The following BCAS3 variants were observed in gnomAD, a reference collection of about 807,000 sequenced individuals.
The protein encoded by BCAS3 is BCAS3 microtubule associated cell migration factor, also known as BCAS4/BCAS3 fusion.
In BCAS3, 53 loss-of-function variants were observed where a neutral mutation model predicts 116.1. That is an observed-to-expected ratio of 0.46 (90% CI 0.37 to 0.57). BCAS3 has a LOEUF of 0.57. Among genes scored for constraint, BCAS3 ranks in the 20% least tolerant of loss-of-function variants. The pLI is 0.00. For synonymous variants in BCAS3, 391 were observed against 408.2 expected (o/e 0.96, Z 0.51); for missense variants, 917 against 1,165.4 (o/e 0.79, Z 3.10).
chr17:61,225,270 T>A (rs967568897), intron 22 of BCAS3, among the ~76,000 whole-genome samples: 2 of 151,464 alleles, frequency 1.3e-5, no homozygotes, highest in African/African-American at 2.4e-5. Context: ...ATGTGGTAAA[T>A]ATAATAATCA....
intron 22 of BCAS3, among the ~76,000 whole-genome samples, chr17:61,110,885 G>A (rs1249808696): frequency 6.6e-6 from 1 of 152,226 alleles, no homozygotes; most frequent in East Asian, 1.9e-4. Flanking sequence ...CCAGCACGCA[G>A]CTGGAGATCT....
chr17:61,268,243 T>A (rs971111933), intron 22 of BCAS3, among the ~76,000 whole-genome samples: 1 of 152,198 alleles, frequency 6.6e-6, no homozygotes, highest in Non-Finnish European at 1.5e-5. Context: ...AGACTCTGTG[T>A]TTAATGTATA....
intron 22 of BCAS3, among the ~76,000 whole-genome samples, chr17:61,172,702 T>C (rs1033120817): frequency 6.7e-6 from 1 of 149,656 alleles, no homozygotes; most frequent in African/African-American, 2.5e-5. Context: ...ATCTAAAGGA[T>C]TGGCTGGGCG....
Position 61,249,890 on chromosome 17 carries a change from C to A in BCAS3, c.2426-118437C>A, listed in dbSNP as rs1451037046. 6.6e-6 allele frequency among the ~76,000 whole-genome samples: 1 copy of A among 152,132 alleles called. No individual in the cohort carries two copies. Among genetic ancestry groups the A allele is most frequent in the East Asian group, 1.9e-4 (1 of 5,192 alleles). ...AATCACATTTAAAGCTTTTAAAGCT[C>A]CCTTTTGAGATGATTTCTTAGGGTA... On this transcript the variant is annotated intron_variant, in intron 22 of 23. Transcript: ENST00000407086. This position sits in a 1 kb window ranked among gnomAD's most constrained non-coding sequence, Gnocchi z 6.2.
At chr17:60,776,416 C>T (rs549201841) in intron 6 of BCAS3, among the ~76,000 whole-genome samples, 1 of 152,226 alleles carries the variant, frequency 6.6e-6, no homozygotes, top group South Asian at 2.1e-4. Context: ...TTTAACCTAT[C>T]TTATAACAAT....
At position 61,004,104 on chromosome 17, in the gene BCAS3, G is replaced by C. The variant is rs1190863526; in HGVS notation, c.1487-11647G>C. 6.6e-6 allele frequency among the ~76,000 whole-genome samples: 1 copy of C among 152,152 alleles called. No homozygotes were observed. Among genetic ancestry groups the C allele is most frequent in the Non-Finnish European group, 1.5e-5 (1 of 68,014 alleles). ...TGTCTAGTGATTAGAATAACAAAAAGAGGATTTGGAGAACCTGTTTGCATT... is the reference window on the plus strand; with the variant it reads ...TGTCTAGTGATTAGAATAACAAAAACAGGATTTGGAGAACCTGTTTGCATT... On this transcript the variant is annotated intron_variant, in intron 15 of 23. Transcript: ENST00000407086. This position sits in a 1 kb window ranked among gnomAD's most constrained non-coding sequence, Gnocchi z 4.8.
rs1053810079 is a variant in BCAS3, at chr17:61,141,535, G to A, written c.2425+56971G>A. ...ATCACACCACAGCACTCCAGCCTGG[G>A]CGGCAGAGCGAGACCCTGTCTCAAA... On this transcript the variant is annotated intron_variant, in intron 22 of 23. Coordinates refer to ENST00000407086, the MANE Select transcript of BCAS3 (RefSeq NM_017679.5). This position sits in a 1 kb window ranked among gnomAD's most constrained non-coding sequence, Gnocchi z 4.3. 2.0e-5 allele frequency among the ~76,000 whole-genome samples: 3 copies of A among 150,972 alleles called. No homozygotes were observed. Among genetic ancestry groups the A allele is most frequent in the African/African-American group, 7.3e-5 (3 of 40,990 alleles).
In BCAS3 at chr17:61,222,212, G is replaced by T. The variant is rs537931708; in HGVS notation, c.2425+137648G>T. On this transcript the variant is annotated intron_variant, in intron 22 of 23. Transcript: ENST00000407086. This position sits in a 1 kb window ranked among gnomAD's most constrained non-coding sequence, Gnocchi z 6.1. Reference sequence around the variant, plus strand: ...TAATAGTGGGGAACTGTAAAGAAATGATAAAAATAAGGACTCAGCTTAAAC... The same window carrying T: ...TAATAGTGGGGAACTGTAAAGAAATTATAAAAATAAGGACTCAGCTTAAAC... Among the ~76,000 whole-genome samples, 42 of 152,306 alleles carry T rather than the reference G, an allele frequency of 2.8e-4. No individual in the cohort carries two copies. Among genetic ancestry groups the T allele is most frequent in the African/African-American group, 9.9e-4 (41 of 41,568 alleles).
At position 60,955,355 on chromosome 17, in the gene BCAS3, C is replaced by G. The variant is rs2061066796; in HGVS notation, c.1221+8003C>G. Among the ~76,000 whole-genome samples the G allele has an allele frequency of 2.0e-5, 3 of 149,496 alleles. No homozygotes were observed. In the East Asian group the frequency reaches 5.8e-4, roughly 29 times the overall value. Reference sequence around the variant, plus strand: ...TTGGTTTCACTGATTGTCCCAGTAACTAGCTAAAGGATCTAGTTCAGGGAA... The same window carrying G: ...TTGGTTTCACTGATTGTCCCAGTAAGTAGCTAAAGGATCTAGTTCAGGGAA... On this transcript the variant is annotated intron_variant, in intron 14 of 23. Coordinates refer to ENST00000407086, the MANE Select transcript of BCAS3 (RefSeq NM_017679.5).
At chr17:61,050,809 C>T (rs1330448556) in intron 19 of BCAS3, among the ~76,000 whole-genome samples, 1 of 152,036 alleles carries the variant, frequency 6.6e-6, no homozygotes, top group Non-Finnish European at 1.5e-5. Flanking sequence ...GGACACTTCA[C>T]TCAACAGCAG....
chr17:61,296,808 A>G (rs1315041491), intron 22 of BCAS3, among the ~76,000 whole-genome samples: 1 of 152,230 alleles, frequency 6.6e-6, no homozygotes, highest in Non-Finnish European at 1.5e-5. Context: ...ACAAGAGGAG[A>G]CAGAGCACAA....
At position 61,126,573 on chromosome 17, in the gene BCAS3, T is replaced by C. The variant is rs765960048; in HGVS notation, c.2425+42009T>C. On this transcript the variant is annotated intron_variant, in intron 22 of 23. Transcript: ENST00000407086. The surrounding 1 kb of genome is among the most constrained non-coding windows in gnomAD (Gnocchi z 4.6). ...GTTTATATAGTCATTGGGTGAAAGA[T>C]TGCAGAAGTTGAACCACTAGTTTTG... Among the ~76,000 whole-genome samples, 6 of 152,190 alleles carry C rather than the reference T, an allele frequency of 3.9e-5. No homozygotes were observed. The highest frequency in any genetic ancestry group is 9.6e-5 in the African/African-American group (4 of 41,454).
chr17:60,838,930 G>C (rs1198420055), intron 7 of BCAS3, among the ~76,000 whole-genome samples: 1 of 152,088 alleles, frequency 6.6e-6, no homozygotes, highest in African/African-American at 2.4e-5. Context: ...GGGCTCAAGT[G>C]GTCCTCCTGC....
intron 8 of BCAS3, 119 bp from the exon 9 acceptor site, chr17:60,874,543 T>C (rs2055413429): frequency 3.3e-6 from 2 of 606,968 alleles, no homozygotes; most frequent in Non-Finnish European, 2.8e-6. Flanking sequence ...TGTTTAATTT[T>C]AAAATTGTAT....
At position 61,379,530 on chromosome 17, in the gene BCAS3, TAGA is replaced by T. The variant is rs889105141; in HGVS notation, c.2593+11042_2593+11044del. On this transcript the variant is annotated intron_variant, in intron 23 of 23. Transcript: ENST00000407086. The surrounding 1 kb of genome is among the most constrained non-coding windows in gnomAD (Gnocchi z 5.5). ...TTAACGGAGAAGTGAAGTTCCCTAG[TAGA>T]AGAAGGCATTTTGGAGCCCATCCCG... 54 of 152,332 alleles carry T rather than the reference TAGA, an allele frequency of 3.5e-4. No homozygotes were observed. The highest frequency in any genetic ancestry group is 1.3e-3 in the African/African-American group (52 of 41,554). The allele number at this position is 152,332 out of a possible 1,614,324, so 9.4% of individuals were successfully genotyped here. A position where few individuals can be genotyped will look rare whatever the true frequency, so the allele number is the denominator to read the frequency against.
chr17:60,835,612 A>G (rs2051301705), intron 7 of BCAS3, among the ~76,000 whole-genome samples: 1 of 152,114 alleles, frequency 6.6e-6, no homozygotes, highest in Non-Finnish European at 1.5e-5. Context: ...GATTGAATCA[A>G]ATGTTTAAAG....
intron 5 of BCAS3, among the ~76,000 whole-genome samples, chr17:60,741,440 A>G (rs1235656378): frequency 2.0e-5 from 3 of 152,218 alleles, no homozygotes; most frequent in Non-Finnish European, 2.9e-5. Context: ...CATTATGTAC[A>G]AAAAAACTCT....
At chr17:60,861,519 A>G (rs1430726254) in intron 7 of BCAS3, among the ~76,000 whole-genome samples, 1 of 152,154 alleles carries the variant, frequency 6.6e-6, no homozygotes, top group African/African-American at 2.4e-5. Context: ...TGGGACTTCC[A>G]GAACTGTGTT....
chr17:61,072,815 T>C (rs1600991849), intron 19 of BCAS3, among the ~76,000 whole-genome samples: 3 of 152,196 alleles, frequency 2.0e-5, no homozygotes, highest in Non-Finnish European at 4.4e-5. Context: ...CTGTTACTTA[T>C]TCCCTTTATG....
Sources: allele counts gnomAD v4.1 joint callset (sites outside exome capture counted in the v4.1 genomes callset), GRCh38; gene constraint gnomAD v4.1.1; non-coding constraint Gnocchi (gnomAD v3.1); transcripts MANE v1.5; gene names NCBI Gene and HGNC (gene_info 2026-07-23, HGNC 2026-07-21).